Variants in STKLD1 observed in about 807,000 individuals in gnomAD.
The protein encoded by STKLD1 is serine/threonine kinase-like domain-containing protein STKLD1.
Under a neutral mutation model 80.4 loss-of-function variants are expected in STKLD1, and 79 were observed. The ratio of observed to expected loss-of-function variants is 0.98; its 90% confidence interval spans 0.82 to 1.19. STKLD1 has a LOEUF of 1.19. Ranked by LOEUF, STKLD1 falls within the 50% of genes most tolerant of loss-of-function variation. The pLI is 0.00. For synonymous variants in STKLD1, 393 were observed against 357.6 expected (o/e 1.10, Z -1.12); for missense variants, 841 against 856.0 (o/e 0.98, Z 0.22).
chr9:133,390,670 CT>C lies in STKLD1; in HGVS notation c.468-9del. The C allele has an allele frequency of 6.2e-7, 1 of 1,611,224 alleles. No individual in the cohort carries two copies. The highest frequency in any genetic ancestry group is 2.2e-5 in the East Asian group (1 of 44,864). On this transcript the variant is annotated splice_polypyrimidine_tract_variant and intron_variant, in intron 6 of 17. Transcript: ENST00000371957. The surrounding 1 kb of genome is among the most constrained non-coding windows in gnomAD (Gnocchi z 5.1). ...TTGGCATCCAGAGGCAAACCCACCT[CT>C]TGGTTTCAGGAATCTCAAACCCTCC...
Position 133,405,566 on chromosome 9 carries a change from C to A in STKLD1, c.*145C>A. On this transcript the variant is annotated 3_prime_UTR_variant, in exon 18 of 18. Transcript: ENST00000371957. ...CAGACCTCTCCAAAGAGTTTCCTGT[C>A]CATGACTGCTGGATTGAGTCACATG... 1 of 773,632 alleles carries A rather than the reference C, an allele frequency of 1.3e-6. No homozygotes were observed. Among genetic ancestry groups the A allele is most frequent in the Non-Finnish European group, 1.9e-6 (1 of 515,284 alleles). 47.9% of individuals were successfully genotyped at this position (773,632 alleles called of 1,614,324 possible).
intron 15 of STKLD1, 28 bp downstream of exon 15, chr9:133,403,856 T>C (rs782704158): frequency 1.2e-6 from 2 of 1,611,356 alleles, no homozygotes. Context: ...CCTGGGCCCC[T>C]GGGGCTGGGA....
intron 1 of STKLD1, among the ~76,000 whole-genome samples, chr9:133,376,998 G>C (rs1837986171): frequency 6.6e-6 from 1 of 152,172 alleles, no homozygotes; most frequent in Non-Finnish European, 1.5e-5. Flanking sequence ...CAAAATAAAA[G>C]TAAATGTTTA....
At chr9:133,401,556 CG>C (rs1207318473) in intron 12 of STKLD1, among the ~76,000 whole-genome samples, 181 bp from the exon 13 acceptor site, 1 of 152,210 alleles carries the variant, frequency 6.6e-6, no homozygotes, top group Non-Finnish European at 1.5e-5. Context: ...GGCTCCCTTC[CG>C]GTCCTTCACT....
intron 4 of STKLD1, 60 bp from the exon 5 acceptor site, chr9:133,387,387 G>A: frequency 7.2e-7 from 1 of 1,390,772 alleles, no homozygotes; most frequent in Non-Finnish European, 1.0e-6. Context: ...TGGAGCAGGT[G>A]AGCCTGCAGA....
In STKLD1 at chr9:133,383,901, G is replaced by GT. The variant is rs2130271410; in HGVS notation, c.219+2dup. On this transcript the variant is annotated splice_donor_variant, in intron 3 of 17. Coordinates refer to ENST00000371957, the MANE Select transcript of STKLD1 (RefSeq NM_153710.5). LOFTEE classifies it high-confidence loss of function. ...TTACGCCAGTCAGGCCCTGGAGGAG[G>GT]TAACTCTCAGGGTAGTTTTCCCTCT... 2 of 1,613,930 alleles carry GT rather than the reference G, an allele frequency of 1.2e-6. No individual in the cohort carries two copies. The highest frequency in any genetic ancestry group is 1.7e-6 in the Non-Finnish European group (2 of 1,179,892).
intron 16 of STKLD1, 133 bp downstream of exon 16, chr9:133,404,181 G>C: frequency 8.6e-7 from 1 of 1,165,090 alleles, no homozygotes; most frequent in Non-Finnish European, 1.2e-6. Context: ...AATTAAAAAC[G>C]ATCTGAAGTC....
At chr9:133,382,172 G>C (rs1199353515) in intron 2 of STKLD1, among the ~76,000 whole-genome samples, 2 of 152,166 alleles carry the variant, frequency 1.3e-5, no homozygotes, top group Non-Finnish European at 2.9e-5. Context: ...TCCATGCGTG[G>C]AGACAACCTT....
rs782344907 is a variant in STKLD1, at chr9:133,401,706, T to A, written c.1199-32T>A. On this transcript the variant is annotated intron_variant, in intron 12 of 17. Coordinates refer to ENST00000371957, the MANE Select transcript of STKLD1 (RefSeq NM_153710.5). ...TGGCCCCATGCCTGAGCTGTGGGGC[T>A]AACCCCAGGCGTCTTCCTCTGGCTT... 2.5e-6 allele frequency: 4 copies of A among 1,599,900 alleles called. No individual in the cohort carries two copies. The Admixed American group carries it at 5.1e-5, about 20-fold the overall frequency.
intron 2 of STKLD1, among the ~76,000 whole-genome samples, chr9:133,383,244 T>C: frequency 7.5e-6 from 1 of 134,222 alleles, no homozygotes. Flanking sequence ...GTGATGATGG[T>C]GATGGTGGTG....
In STKLD1 at chr9:133,395,639, A is replaced by G. The variant is rs1264374566; in HGVS notation, c.742A>G (p.Ser248Gly). 10 of 1,613,176 alleles carry G rather than the reference A, an allele frequency of 6.2e-6. No individual in the cohort carries two copies. Among genetic ancestry groups the G allele is most frequent in the Non-Finnish European group, 8.5e-6 (10 of 1,180,004 alleles). The change falls in exon 9 of 18, where the codon AGC (serine) becomes GGC (glycine). Residue 248 changes from serine to glycine, a missense_variant. Coordinates refer to ENST00000371957, the MANE Select transcript of STKLD1 (RefSeq NM_153710.5). ...AMHLRKSLRQSPGSLKAVLKT... is the reference protein window; with the variant it reads ...AMHLRKSLRQGPGSLKAVLKT... Reference sequence around the variant, plus strand: ...GCATCTGCGGAAGTCCCTCCGCCAGAGCCCAGGCAGCCTGAAGGCCGTCCT... The same window carrying G: ...GCATCTGCGGAAGTCCCTCCGCCAGGGCCCAGGCAGCCTGAAGGCCGTCCT...
chr9:133,391,287 A>G (rs2130289076), intron 7 of STKLD1, among the ~76,000 whole-genome samples: 3,335 of 135,518 alleles, frequency 0.025, 183 homozygotes, highest in African/African-American at 0.091. Flanking sequence ...GAGGGAGGTG[A>G]GGGGCGCCTC....
chr9:133,402,051 G>A (rs1046702713), intron 13 of STKLD1, among the ~76,000 whole-genome samples, 173 bp downstream of exon 13: 7 of 152,182 alleles, frequency 4.6e-5, no homozygotes, highest in South Asian at 2.1e-4. Flanking sequence ...AATGCTGGTC[G>A]CATCCTTTTC....
chr9:133,392,074 C>CTTTTTT (rs869053878), intron 7 of STKLD1, among the ~76,000 whole-genome samples: 1 of 132,778 alleles, frequency 7.5e-6, no homozygotes, highest in Admixed American at 7.8e-5. Flanking sequence ...GCACTCTGTC[C>CTTTTTT]TTTTTTTTTT....
chr9:133,376,650 G>A (rs1837967126), intron 1 of STKLD1, 90 bp downstream of exon 1: 2 of 1,209,718 alleles, frequency 1.7e-6, no homozygotes, highest in Non-Finnish European at 2.3e-6. Context: ...ACCGAGGGCG[G>A]CGAGGGGCCC....
Position 133,376,559 on chromosome 9 carries a change from A to G in STKLD1, c.86A>G (p.Gln29Arg). Residue 29 changes from glutamine to arginine, a missense_variant and splice_region_variant, in exon 1 of 18, where the codon CAG becomes CGG. Coordinates refer to ENST00000371957, the MANE Select transcript of STKLD1 (RefSeq NM_153710.5). ...CCCGGAGAGCCCATGGAGAAGTACC[A>G]GGTGCCGAGTGTTCCCTGCGGGGAG... ...GSPGEPMEKYQVLYQLNPGAL... is the reference protein window; with the variant it reads ...GSPGEPMEKYRVLYQLNPGAL... 3 of 1,593,542 alleles carry G rather than the reference A, an allele frequency of 1.9e-6. No individual in the cohort carries two copies. The highest frequency in any genetic ancestry group is 2.3e-5 in the East Asian group (1 of 43,162).
chr9:133,397,045 G>A (rs587666125), intron 9 of STKLD1, 119 bp from the exon 10 acceptor site: 419 of 1,421,090 alleles, frequency 2.9e-4, no homozygotes, highest in Non-Finnish European at 3.6e-4. Flanking sequence ...AAAACAGGGA[G>A]TTCAGTGTCC....
intron 12 of STKLD1, 34 bp from the exon 13 acceptor site, chr9:133,401,704 G>A: frequency 6.3e-7 from 1 of 1,597,734 alleles, no homozygotes; most frequent in African/African-American, 1.3e-5. Flanking sequence ...GAGCTGTGGG[G>A]CTAACCCCAG....
intron 8 of STKLD1, among the ~76,000 whole-genome samples, chr9:133,395,241 C>T (rs1838529164): frequency 6.6e-6 from 1 of 152,174 alleles, no homozygotes; most frequent in African/African-American, 2.4e-5. Context: ...ACTTCGGAGG[C>T]TGTGTGACAT....
Sources: gnomAD v4.1 joint callset for allele counts (sites outside exome capture counted in the v4.1 genomes callset) on GRCh38, gnomAD v4.1.1 for gene constraint, Gnocchi (gnomAD v3.1) non-coding constraint, MANE v1.5 for transcripts, NCBI Gene and HGNC (gene_info 2026-07-23, HGNC 2026-07-21) for gene names.